The following MAP3K5 variants were observed in gnomAD, a reference collection of about 807,000 sequenced individuals.
MAP3K5 encodes the protein ASK-1.
In MAP3K5, 56 loss-of-function variants were observed where a neutral mutation model predicts 158.7. That is an observed-to-expected ratio of 0.35 (90% CI 0.28 to 0.44). The LOEUF (loss-of-function observed/expected upper bound fraction) is 0.44, where lower values mean the gene tolerates loss of function less well. Among genes scored for constraint, MAP3K5 ranks in the 20% least tolerant of loss-of-function variants. MAP3K5 has a pLI of 1.00. For synonymous variants in MAP3K5, 579 were observed against 601.7 expected (o/e 0.96, Z 0.55); for missense variants, 1,294 against 1,674.8 (o/e 0.77, Z 3.97).
chr6:136,666,800 G>C (rs1779248584), intron 8 of MAP3K5, among the ~76,000 whole-genome samples: 1 of 152,070 alleles, frequency 6.6e-6, no homozygotes, highest in African/African-American at 2.4e-5. Context: ...AATTTAGAAT[G>C]CATATCACAG....
chr6:136,699,301 T>C (rs1400229971), intron 3 of MAP3K5, among the ~76,000 whole-genome samples: 1 of 152,212 alleles, frequency 6.6e-6, no homozygotes, highest in Non-Finnish European at 1.5e-5. Flanking sequence ...GCCAACACTT[T>C]AGTCCATGCA....
intron 23 of MAP3K5, 44 bp downstream of exon 23, chr6:136,592,129 A>G: frequency 6.6e-7 from 1 of 1,508,330 alleles, no homozygotes; most frequent in Non-Finnish European, 8.9e-7. Flanking sequence ...ACACAGATAA[A>G]ATATGTAACC....
intron 1 of MAP3K5, among the ~76,000 whole-genome samples, chr6:136,745,779 A>G (rs1782928176): frequency 6.6e-6 from 1 of 152,212 alleles, no homozygotes; most frequent in Non-Finnish European, 1.5e-5. Context: ...TCTGCTACTT[A>G]ACAATATTTT....
intron 14 of MAP3K5, among the ~76,000 whole-genome samples, chr6:136,631,333 T>G (rs1159178412): frequency 1.3e-5 from 2 of 152,158 alleles, no homozygotes; most frequent in Admixed American, 1.3e-4. Flanking sequence ...GCTTCATATC[T>G]GCACAAAAAT....
At chr6:136,618,855 C>T (rs947698203) in intron 15 of MAP3K5, among the ~76,000 whole-genome samples, 18 of 152,160 alleles carry the variant, frequency 1.2e-4, no homozygotes, top group Non-Finnish European at 1.9e-4. Flanking sequence ...ACTACACATG[C>T]GGCAGGCAGC....
chr6:136,763,280 T>C (rs1438123101), intron 1 of MAP3K5, among the ~76,000 whole-genome samples: 1 of 152,242 alleles, frequency 6.6e-6, no homozygotes, highest in African/African-American at 2.4e-5. Context: ...TCATCTAAGA[T>C]GAAGTCTTGG....
At chr6:136,647,699 T>G (rs1778331480) in intron 11 of MAP3K5, 1 of 152,298 alleles carries the variant, frequency 6.6e-6, no homozygotes, top group Admixed American at 6.5e-5. Context: ...GCTTTCACTT[T>G]GGTGCCTTGG....
chr6:136,671,021 TTTGTCTTTG>T (rs1779460131), intron 7 of MAP3K5, among the ~76,000 whole-genome samples: 1 of 152,216 alleles, frequency 6.6e-6, no homozygotes, highest in Admixed American at 6.5e-5. Context: ...CTCAAAGTTC[TTTGTCTTTG>T]TTCAGAGGCA....
At chr6:136,704,745 CA>C (rs1234139633) in intron 3 of MAP3K5, among the ~76,000 whole-genome samples, 2 of 152,160 alleles carry the variant, frequency 1.3e-5, no homozygotes, top group East Asian at 3.9e-4. Context: ...GGGGTTTCAC[CA>C]TGTTGCCCAG....
intron 25 of MAP3K5, among the ~76,000 whole-genome samples, chr6:136,579,563 T>C (rs1001487795): frequency 3.9e-5 from 6 of 152,238 alleles, no homozygotes; most frequent in Admixed American, 3.3e-4. Flanking sequence ...GGATACATGT[T>C]ATTATATATG....
At chr6:136,615,060 T>C (rs1776505406) in intron 15 of MAP3K5, among the ~76,000 whole-genome samples, 1 of 152,236 alleles carries the variant, frequency 6.6e-6, no homozygotes, top group South Asian at 2.1e-4. Context: ...AACAACACTT[T>C]TGATGATTAT....
chr6:136,692,720 T>C (rs1780439441), intron 7 of MAP3K5, among the ~76,000 whole-genome samples: 1 of 152,220 alleles, frequency 6.6e-6, no homozygotes, highest in Non-Finnish European at 1.5e-5. Context: ...TTTTATGGTA[T>C]ATGGCGTTTT....
At chr6:136,569,717 G>A (rs576332138) in intron 25 of MAP3K5, among the ~76,000 whole-genome samples, 1 of 152,166 alleles carries the variant, frequency 6.6e-6, no homozygotes, top group Non-Finnish European at 1.5e-5. Context: ...AGGACCTCCG[G>A]AAGCTCTGTC....
chr6:136,644,425 G>A (rs778078532), intron 11 of MAP3K5, among the ~76,000 whole-genome samples: 11 of 152,160 alleles, frequency 7.2e-5, no homozygotes, highest in African/African-American at 1.2e-4. Context: ...CAAACGCAGC[G>A]CTAGCTATAA....
intron 1 of MAP3K5, among the ~76,000 whole-genome samples, chr6:136,743,261 T>G (rs1169519991): frequency 6.6e-6 from 1 of 152,114 alleles, no homozygotes; most frequent in Non-Finnish European, 1.5e-5. Context: ...CCATCCTGGC[T>G]AACACGGTGA....
At chr6:136,674,921 A>C (rs1380355004) in intron 7 of MAP3K5, among the ~76,000 whole-genome samples, 1 of 151,998 alleles carries the variant, frequency 6.6e-6, no homozygotes, top group Non-Finnish European at 1.5e-5. Context: ...AAAAAAATCC[A>C]AAACACTTCT....
At chr6:136,659,794 G>C in intron 8 of MAP3K5, among the ~76,000 whole-genome samples, 1 of 152,344 alleles carries the variant, frequency 6.6e-6, no homozygotes, top group East Asian at 1.9e-4. Flanking sequence ...GAGGTGAATA[G>C]TGGTGTTGGC....
intron 1 of MAP3K5, among the ~76,000 whole-genome samples, chr6:136,739,558 T>C (rs1262547774): frequency 6.6e-6 from 1 of 152,184 alleles, no homozygotes; most frequent in Non-Finnish European, 1.5e-5. Flanking sequence ...AAACAGGAAG[T>C]ATGGAATCAG....
chr6:136,718,137 G>C (rs1781601379), intron 2 of MAP3K5, among the ~76,000 whole-genome samples: 2 of 152,150 alleles, frequency 1.3e-5, no homozygotes, highest in Non-Finnish European at 2.9e-5. Context: ...GCTTCGGTTT[G>C]TGATACTAAA....
Sources: gnomAD v4.1 joint callset for allele counts (sites outside exome capture counted in the v4.1 genomes callset) on GRCh38, gnomAD v4.1.1 for gene constraint, MANE v1.5 for transcripts, NCBI Gene and HGNC (gene_info 2026-07-23, HGNC 2026-07-21) for gene names.